Variants in SHOC2 observed in about 807,000 individuals in gnomAD.
SHOC2 encodes the protein SHOC2 leucine rich repeat scaffold protein, also known as leucine-rich repeat protein SHOC-2.
A neutral mutation model predicts 50.2 loss-of-function variants in SHOC2; 4 were observed. That is an observed-to-expected ratio of 0.08 (90% CI 0.04 to 0.18). The LOEUF (loss-of-function observed/expected upper bound fraction) is 0.18, where lower values mean the gene tolerates loss of function less well. SHOC2 is among the 10% of genes least tolerant of loss of function. The pLI, the probability that SHOC2 is intolerant of heterozygous loss-of-function variation, is 1.00. For synonymous variants in SHOC2, 218 were observed against 244.5 expected, an observed-to-expected ratio of 0.89 and a Z score of 1.01; for missense variants, 388 against 669.6, an observed-to-expected ratio of 0.58 and a Z score of 4.64.
chr10:110,999,749 AAAAAAAAAAAG>A (rs1848334255), intron 3 of SHOC2, among the ~76,000 whole-genome samples: 2 of 141,062 alleles, frequency 1.4e-5, no homozygotes, highest in African/African-American at 5.3e-5. Context: ...AAAAAAAAAA[AAAAAAAAAAAG>A]AAAGAAAAGA....
intron 1 of SHOC2, among the ~76,000 whole-genome samples, chr10:110,941,100 T>C (rs958161142): frequency 6.6e-6 from 1 of 151,976 alleles, no homozygotes; most frequent in African/African-American, 2.4e-5. Context: ...CCCAACTAAT[T>C]TTTAAAATAG....
At position 110,993,958 on chromosome 10, in the gene SHOC2, G is replaced by T. The variant is rs117272540; in HGVS notation, c.842-6457G>T. ...TCAGTTGATGGAGTAAGATCATGGA[G>T]ACTTCTCTCTGTTAATAAATTCTCC... is the stretch of plus-strand genomic sequence containing the variant. On this transcript the variant is annotated intron_variant, in intron 3 of 8. Coordinates refer to ENST00000369452, the MANE Select transcript of SHOC2 (RefSeq NM_007373.4). 4.4e-4 allele frequency among the ~76,000 whole-genome samples: 67 copies of T among 152,278 alleles called. No homozygotes were observed. The East Asian group carries it at 0.013, about 28-fold the overall frequency.
chr10:110,959,057 T>A (rs7901832), intron 1 of SHOC2, among the ~76,000 whole-genome samples: 1 of 152,002 alleles, frequency 6.6e-6, no homozygotes, highest in African/African-American at 2.4e-5. Flanking sequence ...TTATATGTTA[T>A]GTAAATGCTT....
intron 3 of SHOC2, among the ~76,000 whole-genome samples, chr10:110,987,469 A>G (rs1259531682): frequency 6.6e-6 from 1 of 152,170 alleles, no homozygotes; most frequent in Admixed American, 6.5e-5. Context: ...TCGTATTACT[A>G]TTTGTAGTGG....
chr10:110,972,225 T>C (rs962680944), intron 2 of SHOC2, among the ~76,000 whole-genome samples: 5 of 151,840 alleles, frequency 3.3e-5, no homozygotes, highest in African/African-American at 1.2e-4. Flanking sequence ...TACAGCATTA[T>C]AATATTTCAG....
chr10:110,923,996 A>G (rs1385139356), intron 1 of SHOC2, among the ~76,000 whole-genome samples: 1 of 152,126 alleles, frequency 6.6e-6, no homozygotes, highest in African/African-American at 2.4e-5. Context: ...TAGAACTTGG[A>G]GTTAATTTGA....
intron 2 of SHOC2, among the ~76,000 whole-genome samples, chr10:110,974,111 G>A (rs1847833074): frequency 6.6e-6 from 1 of 151,764 alleles, no homozygotes; most frequent in Non-Finnish European, 1.5e-5. Flanking sequence ...TTGATTTCAG[G>A]CCTTTATTCT....
At chr10:110,940,338 T>C (rs1847110854) in intron 1 of SHOC2, among the ~76,000 whole-genome samples, 1 of 152,196 alleles carries the variant, frequency 6.6e-6, no homozygotes, top group African/African-American at 2.4e-5. Context: ...TCTGTGCCTC[T>C]TTCAGAGATG....
rs1564705752 is a variant in SHOC2 at position 110,940,910 on chromosome 10, G to GGTTTTTTTTTTTTTTTT, written c.-235+21253_-235+21254insGTTTTTTTTTTTTTTTT. Among the ~76,000 whole-genome samples the GGTTTTTTTTTTTTTTTT allele has an allele frequency of 5.9e-5, 7 of 119,484 alleles. 2 individuals are homozygous for GGTTTTTTTTTTTTTTTT. Among genetic ancestry groups the GGTTTTTTTTTTTTTTTT allele is most frequent in the African/African-American group, 1.6e-4 (5 of 31,444 alleles). The allele number at this position is 119,484 out of a possible 152,430, so 78.4% of individuals were successfully genotyped here. On this transcript the variant is annotated intron_variant, in intron 1 of 8. Coordinates refer to ENST00000369452, the MANE Select transcript of SHOC2 (RefSeq NM_007373.4). The stretch of plus-strand genomic sequence containing the variant: ...GACAAAATAGTGGTATTTGTGGTGG[G>GGTTTTTTTTTTTTTTTT]TTTTTTTTTTTTTTTTTTTTTTTTT...
intron 2 of SHOC2, among the ~76,000 whole-genome samples, chr10:110,968,782 C>CA (rs1279347649): frequency 6.6e-6 from 1 of 151,926 alleles, no homozygotes; most frequent in Non-Finnish European, 1.5e-5. Context: ...GCCTGTGCAA[C>CA]AGAGCTAGAC....
intron 1 of SHOC2, among the ~76,000 whole-genome samples, chr10:110,946,094 A>G (rs1847241519): frequency 6.6e-6 from 1 of 151,996 alleles, no homozygotes; most frequent in South Asian, 2.1e-4. Context: ...TTTTTTAATC[A>G]AATAAAAATC....
At chr10:110,979,644 T>C (rs1261153447) in intron 2 of SHOC2, among the ~76,000 whole-genome samples, 1 of 152,238 alleles carries the variant, frequency 6.6e-6, no homozygotes, top group Non-Finnish European at 1.5e-5. Context: ...TGTTTGCAGA[T>C]GTTAAATCCA....
chr10:110,965,500 C>T (rs1403037761), intron 2 of SHOC2, among the ~76,000 whole-genome samples: 2 of 152,106 alleles, frequency 1.3e-5, no homozygotes, highest in East Asian at 1.9e-4. Context: ...ACCTAATTTA[C>T]CACAAAAGGT....
chr10:110,949,367 G>T (rs752311977), intron 1 of SHOC2, among the ~76,000 whole-genome samples: 6 of 151,980 alleles, frequency 3.9e-5, no homozygotes, highest in Non-Finnish European at 5.9e-5. Flanking sequence ...TTTTCTAGAA[G>T]CATAGCGTCT....
chr10:111,007,881 C>T (rs1021305269), intron 6 of SHOC2, among the ~76,000 whole-genome samples: 3 of 151,872 alleles, frequency 2.0e-5, no homozygotes, highest in Non-Finnish European at 4.4e-5. Context: ...TCTTTGAGTG[C>T]CATAAAGTAT....
intron 1 of SHOC2, among the ~76,000 whole-genome samples, chr10:110,921,377 A>G (rs922338990): frequency 6.6e-6 from 1 of 152,214 alleles, no homozygotes; most frequent in Admixed American, 6.5e-5. Flanking sequence ...AGACAAAAAT[A>G]AACACAAAAC....
At chr10:110,924,911 A>C (rs1846727365) in intron 1 of SHOC2, among the ~76,000 whole-genome samples, 1 of 151,912 alleles carries the variant, frequency 6.6e-6, no homozygotes, top group Non-Finnish European at 1.5e-5. Context: ...CTCTACTAAA[A>C]ATACAAAAAA....
chr10:111,004,477 G>A (rs1848433503), intron 4 of SHOC2, 129 bp from the exon 5 acceptor site: 4 of 694,934 alleles, frequency 5.8e-6, no homozygotes, highest in Non-Finnish European at 1.0e-5. Flanking sequence ...GTCACAGACT[G>A]CCCCAACCAG....
rs1406684310 is a variant in SHOC2 at position 110,955,358 on chromosome 10, C to CTT, written c.-234-8766_-234-8765dup. Among the ~76,000 whole-genome samples, 2 of 152,142 alleles carry CTT rather than the reference C, an allele frequency of 1.3e-5. 1 individual carries two copies. The highest frequency in any genetic ancestry group is 2.9e-5 in the Non-Finnish European group (2 of 68,032). On this transcript the variant is annotated intron_variant, in intron 1 of 8. Coordinates refer to ENST00000369452, the MANE Select transcript of SHOC2 (RefSeq NM_007373.4). ...TAAGGAAGGAGGAATAGGAATAACTCTTAAGTTTCTTAAGTTTCTTGCTTA... is the reference window on the plus strand; with the variant it reads ...TAAGGAAGGAGGAATAGGAATAACTCTTTTAAGTTTCTTAAGTTTCTTGCTTA...
Sources: gnomAD v4.1 joint callset for allele counts (sites outside exome capture counted in the v4.1 genomes callset) on GRCh38, gnomAD v4.1.1 for gene constraint, MANE v1.5 for transcripts, NCBI Gene and HGNC (gene_info 2026-07-23, HGNC 2026-07-21) for gene names.